The following CDC73 variants were observed in gnomAD, a reference collection of about 807,000 sequenced individuals.
The protein encoded by CDC73 is parafibromin.
CDC73 carries 21 observed loss-of-function variants against 83.7 expected under a neutral mutation model. That is an observed-to-expected ratio of 0.25 (90% CI 0.18 to 0.36). CDC73 has a LOEUF of 0.36. CDC73 is among the 10% of genes least tolerant of loss of function. The probability of loss-of-function intolerance (pLI) is 1.00; values close to 1 mark genes in which losing one functional copy is unlikely to be tolerated. For missense variants in CDC73, 342 were observed against 653.3 expected (o/e 0.52, Z 5.19); for synonymous variants, 224 against 212.9 (o/e 1.05, Z -0.45).
chr1:193,134,629 A>C (rs1178640140), intron 3 of CDC73, among the ~76,000 whole-genome samples: 1 of 152,180 alleles, frequency 6.6e-6, no homozygotes, highest in Non-Finnish European at 1.5e-5. Flanking sequence ...CAGGATCGCC[A>C]CTGCACTCCA....
intron 16 of CDC73, 34 bp from the exon 17 acceptor site, chr1:193,250,642 T>C: frequency 1.3e-6 from 2 of 1,499,828 alleles, no homozygotes; most frequent in African/African-American, 1.4e-5. Flanking sequence ...AAAATTCCTA[T>C]AGTCATTATA....
chr1:193,218,024 T>C (rs1192096141), intron 13 of CDC73, among the ~76,000 whole-genome samples: 2 of 152,188 alleles, frequency 1.3e-5, no homozygotes, highest in Admixed American at 6.5e-5. Context: ...TACCTAAAGA[T>C]TCCTAGCACT....
chr1:193,235,244 T>C (rs1361894842), intron 14 of CDC73, among the ~76,000 whole-genome samples: 4 of 152,072 alleles, frequency 2.6e-5, no homozygotes, highest in South Asian at 2.1e-4. Context: ...TTCTCCTCCT[T>C]CTCTTCTTCT....
At chr1:193,200,501 T>G (rs1677074555) in intron 10 of CDC73, among the ~76,000 whole-genome samples, 1 of 152,242 alleles carries the variant, frequency 6.6e-6, no homozygotes, top group African/African-American at 2.4e-5. Flanking sequence ...CTCACTGTTT[T>G]TCCCTTCTGT....
At chr1:193,180,014 CAG>C in intron 10 of CDC73, 1 of 236,070 alleles carries the variant, frequency 4.2e-6, no homozygotes, top group Non-Finnish European at 8.0e-6. Context: ...TGGCCCCTAA[CAG>C]AAGACTTGAA....
chr1:193,226,720 A>G (rs1677572957), intron 13 of CDC73, among the ~76,000 whole-genome samples: 1 of 151,996 alleles, frequency 6.6e-6, no homozygotes, highest in South Asian at 2.1e-4. Flanking sequence ...ATTTGGTTAG[A>G]TGTATTTTGT....
At chr1:193,245,475 A>G (rs1033527121) in intron 15 of CDC73, among the ~76,000 whole-genome samples, 5 of 152,084 alleles carry the variant, frequency 3.3e-5, no homozygotes, top group Non-Finnish European at 5.9e-5. Context: ...ATGGCTGAAT[A>G]GTATTTTATT....
intron 13 of CDC73, among the ~76,000 whole-genome samples, chr1:193,226,662 A>C (rs1455566636): frequency 6.6e-6 from 1 of 152,220 alleles, no homozygotes; most frequent in East Asian, 1.9e-4. Context: ...CATCCTTGGT[A>C]TGAAACCCAT....
At chr1:193,201,167 C>G (rs534353135) in intron 10 of CDC73, among the ~76,000 whole-genome samples, 1 of 152,122 alleles carries the variant, frequency 6.6e-6, no homozygotes, top group East Asian at 1.9e-4. Context: ...TTCAGTAAGC[C>G]TTGAGAAGAC....
chr1:193,130,080 T>A, intron 2 of CDC73, 94 bp from the exon 3 acceptor site: 1 of 717,260 alleles, frequency 1.4e-6, no homozygotes, highest in African/African-American at 1.8e-5. Flanking sequence ...TTTCAAGATA[T>A]GTTGGAATAA....
At chr1:193,183,590 T>C (rs6428155) in intron 10 of CDC73, among the ~76,000 whole-genome samples, 93,946 of 150,658 alleles carry the variant, frequency 0.62, 29,750 homozygotes, top group South Asian at 0.77. Flanking sequence ...TCTTGTACTT[T>C]TAAATAGCTG....
intron 16 of CDC73, 46 bp downstream of exon 16, chr1:193,249,917 T>A (rs773285974): frequency 1.9e-6 from 3 of 1,594,168 alleles, no homozygotes; most frequent in Non-Finnish European, 2.6e-6. Flanking sequence ...TATTGTAATT[T>A]TTCTGTCTCA....
chr1:193,122,509 C>G, intron 1 of CDC73, 178 bp downstream of exon 1: 1 of 734,788 alleles, frequency 1.4e-6, no homozygotes, highest in Non-Finnish European at 2.2e-6. Context: ...AAAGAAGGGG[C>G]GGAGCTCTAG....
rs139505472 is a variant in CDC73 at position 193,163,840 on chromosome 1, G to A, written c.972+11396G>A. Among the ~76,000 whole-genome samples the A allele has an allele frequency of 2.2e-3, 342 of 152,182 alleles. 3 individuals carry two copies. The highest frequency in any genetic ancestry group is 5.3e-3 in the African/African-American group (219 of 41,542). On this transcript the variant is annotated intron_variant, in intron 10 of 16. Transcript: ENST00000367435. ...GTCACCCAGGCTGGAGTGCAGTGGCGTGATCTGGATCAACTGCAACCTCCG... is the reference window on the plus strand; with the variant it reads ...GTCACCCAGGCTGGAGTGCAGTGGCATGATCTGGATCAACTGCAACCTCCG...
At chr1:193,177,358 CAAAAAAAAA>C (rs10672869) in intron 10 of CDC73, among the ~76,000 whole-genome samples, 3 of 69,532 alleles carry the variant, frequency 4.3e-5, no homozygotes, top group East Asian at 4.9e-4. Context: ...ACTAAAAATA[CAAAAAAAAA>C]AAAAAAAAAA....
chr1:193,200,758 CGTGT>C (rs112571232), intron 10 of CDC73, among the ~76,000 whole-genome samples: 1 of 150,538 alleles, frequency 6.6e-6, no homozygotes, highest in Middle Eastern at 3.2e-3. Context: ...TAATACATTC[CGTGT>C]GTGTGTGTGT....
At chr1:193,130,033 C>G in intron 2 of CDC73, 141 bp from the exon 3 acceptor site, 1 of 617,850 alleles carries the variant, frequency 1.6e-6, no homozygotes, top group Non-Finnish European at 2.9e-6. Flanking sequence ...TTCTTTTAGC[C>G]TAGTCATTTT....
At chr1:193,150,731 C>T (rs2103132482) in intron 9 of CDC73, among the ~76,000 whole-genome samples, 1 of 152,232 alleles carries the variant, frequency 6.6e-6, no homozygotes, top group African/African-American at 2.4e-5. Flanking sequence ...GTCGTAGTAA[C>T]TTTTTGTGTG....
At chr1:193,229,574 C>T (rs890746532) in intron 13 of CDC73, among the ~76,000 whole-genome samples, 1 of 152,174 alleles carries the variant, frequency 6.6e-6, no homozygotes, top group African/African-American at 2.4e-5. Context: ...GCTTCGTAGC[C>T]TCCAGAACAG....
Sources: allele counts gnomAD v4.1 joint callset (sites outside exome capture counted in the v4.1 genomes callset), GRCh38; gene constraint gnomAD v4.1.1; transcripts MANE v1.5; gene names NCBI Gene and HGNC (gene_info 2026-07-23, HGNC 2026-07-21).